Variants in MRTFA observed in about 807,000 individuals in gnomAD.
The protein encoded by MRTFA is myocardin-related transcription factor A.
A neutral mutation model predicts 83.5 loss-of-function variants in MRTFA; 20 were observed. That is an observed-to-expected ratio of 0.24 (90% confidence interval 0.17 to 0.35). MRTFA has a LOEUF of 0.35. Among genes scored for constraint, MRTFA ranks in the 10% least tolerant of loss-of-function variants. The pLI is 1.00. For missense variants in MRTFA, 1,200 were observed against 1,224.7 expected (o/e 0.98, Z 0.30); for synonymous variants, 659 against 541.2 (o/e 1.22, Z -3.02).
At chr22:40,470,959 A>C (rs1478451063) in intron 3 of MRTFA, among the ~76,000 whole-genome samples, 2 of 152,128 alleles carry the variant, frequency 1.3e-5, no homozygotes, top group African/African-American at 2.4e-5. Context: ...AAAAAACAAA[A>C]CAAAACAAAA....
intron 3 of MRTFA, among the ~76,000 whole-genome samples, chr22:40,534,217 T>C (rs1262070784): frequency 6.6e-6 from 1 of 152,220 alleles, no homozygotes; most frequent in African/African-American, 2.4e-5. Flanking sequence ...ACGGCTTTTT[T>C]ATATGTGGTA....
At chr22:40,481,292 T>G (rs1183680597) in intron 3 of MRTFA, among the ~76,000 whole-genome samples, 1 of 152,150 alleles carries the variant, frequency 6.6e-6, no homozygotes, top group Non-Finnish European at 1.5e-5. Context: ...CTTCCTGCAT[T>G]CGGCCACAGG....
chr22:40,606,084 A>T (rs761083357), intron 1 of MRTFA, among the ~76,000 whole-genome samples: 3 of 151,844 alleles, frequency 2.0e-5, no homozygotes, highest in Non-Finnish European at 4.4e-5. Flanking sequence ...CCAGGTGGGG[A>T]CTCCACTATG....
chr22:40,608,798 A>G (rs2056349968), intron 1 of MRTFA, among the ~76,000 whole-genome samples: 1 of 152,208 alleles, frequency 6.6e-6, no homozygotes, highest in African/African-American at 2.4e-5. Context: ...GTACTTCAAT[A>G]TGAGGTACTT....
intron 1 of MRTFA, among the ~76,000 whole-genome samples, chr22:40,628,764 G>C (rs1471830791): frequency 1.3e-5 from 2 of 152,166 alleles, no homozygotes; most frequent in African/African-American, 4.8e-5. Context: ...ACTGGCCTGG[G>C]CTCAGCCCCT....
At chr22:40,447,010 G>A (rs2053390749) in intron 4 of MRTFA, among the ~76,000 whole-genome samples, 1 of 152,152 alleles carries the variant, frequency 6.6e-6, no homozygotes, top group Admixed American at 6.5e-5. Flanking sequence ...ATAAGTGACA[G>A]TGATGGGGTG....
intron 3 of MRTFA, among the ~76,000 whole-genome samples, chr22:40,476,662 A>G (rs1449715472): frequency 6.6e-6 from 1 of 152,094 alleles, no homozygotes; most frequent in East Asian, 1.9e-4. Flanking sequence ...CCTGTTGCCC[A>G]GGCTAGTCTT....
intron 1 of MRTFA, among the ~76,000 whole-genome samples, chr22:40,607,839 ATT>A (rs2056336556): frequency 6.6e-6 from 1 of 152,212 alleles, no homozygotes; most frequent in Non-Finnish European, 1.5e-5. Context: ...AAATGGAATG[ATT>A]TTTGCTTCAG....
chr22:40,538,994 T>G (rs1192062596), intron 3 of MRTFA, among the ~76,000 whole-genome samples: 1 of 142,568 alleles, frequency 7.0e-6, no homozygotes, highest in Non-Finnish European at 1.5e-5. Context: ...CCTTTTGTTT[T>G]TTTTTTTTTT....
At chr22:40,595,577 C>G (rs930348681) in intron 1 of MRTFA, among the ~76,000 whole-genome samples, 3 of 152,160 alleles carry the variant, frequency 2.0e-5, no homozygotes, top group Non-Finnish European at 4.4e-5. Flanking sequence ...GATTCATTCT[C>G]TTCCCTTAAG....
chr22:40,567,280 T>C (rs1052675747), intron 2 of MRTFA, among the ~76,000 whole-genome samples: 1 of 152,220 alleles, frequency 6.6e-6, no homozygotes, highest in Non-Finnish European at 1.5e-5. Context: ...CCACAAACAC[T>C]ACAGGTATGC....
At chr22:40,441,186 CTT>C (rs1368964011) in intron 4 of MRTFA, among the ~76,000 whole-genome samples, 4 of 152,312 alleles carry the variant, frequency 2.6e-5, no homozygotes, top group South Asian at 2.1e-4. Context: ...CATTGGAGCT[CTT>C]GTGTGGCTTT....
chr22:40,429,874 T>G, intron 6 of MRTFA, 107 bp from the exon 7 acceptor site: 1 of 1,174,204 alleles, frequency 8.5e-7, no homozygotes, highest in Non-Finnish European at 1.2e-6. Context: ...GGAGTGACTG[T>G]CAGAACGGTA....
intron 4 of MRTFA, among the ~76,000 whole-genome samples, chr22:40,442,280 AGC>A (rs1339918765): frequency 3.3e-5 from 5 of 152,226 alleles, no homozygotes; most frequent in African/African-American, 1.2e-4. Flanking sequence ...ATACGCCAGA[AGC>A]TCACCAACAA....
At chr22:40,419,699 G>A (rs2052785264) in intron 11 of MRTFA, among the ~76,000 whole-genome samples, 1 of 152,200 alleles carries the variant, frequency 6.6e-6, no homozygotes, top group South Asian at 2.1e-4. Flanking sequence ...ATATTCAATG[G>A]AACAGACTGT....
intron 14 of MRTFA, among the ~76,000 whole-genome samples, chr22:40,414,124 AGCTCAGGAGTTCAAAACCAGCCTGG>A (rs2052624406): frequency 6.6e-6 from 1 of 152,190 alleles, no homozygotes; most frequent in African/African-American, 2.4e-5. Context: ...AGACTGCCTG[AGCTCAGGAGTTCAAAACCAGCCTGG>A]GCAACACAGT....
At chr22:40,536,397 G>A (rs1281019419) in intron 3 of MRTFA, among the ~76,000 whole-genome samples, 6 of 150,690 alleles carry the variant, frequency 4.0e-5, no homozygotes, top group African/African-American at 7.3e-5. Context: ...TTGCCGCGGC[G>A]CCGGCGAGCG....
intron 3 of MRTFA, among the ~76,000 whole-genome samples, chr22:40,507,402 C>T (rs1471736435): frequency 6.6e-6 from 1 of 151,576 alleles, no homozygotes; most frequent in Non-Finnish European, 1.5e-5. Context: ...CCCAGCTGGG[C>T]GCCAGGGCTC....
Position 40,411,033 on chromosome 22 carries a change from AG to A in MRTFA, c.*356del. ...TAACCTGTCTCAGCCCTGGGTCAGA[AG>A]AGAAGCCTCCCGCCTGGCCAGGCTT... On this transcript the variant is annotated 3_prime_UTR_variant, in exon 15 of 15. Coordinates refer to ENST00000355630, the MANE Select transcript of MRTFA (RefSeq NM_020831.6). 1 of 256,262 alleles carries A rather than the reference AG, an allele frequency of 3.9e-6. No individual in the cohort carries two copies. Among genetic ancestry groups the A allele is most frequent in the Non-Finnish European group, 7.5e-6 (1 of 134,118 alleles). 15.9% of individuals were successfully genotyped at this position (256,262 alleles called of 1,614,324 possible).
Sources: allele counts gnomAD v4.1 joint callset (sites outside exome capture counted in the v4.1 genomes callset), GRCh38; gene constraint gnomAD v4.1.1; transcripts MANE v1.5; gene names NCBI Gene and HGNC (gene_info 2026-07-23, HGNC 2026-07-21).